Variants in CDYL2 observed in about 807,000 individuals in gnomAD.
The protein encoded by CDYL2 is chromodomain Y like 2, also known as chromodomain Y-like protein 2.
CDYL2 carries 23 observed loss-of-function variants against 49.4 expected under a neutral mutation model. That is an observed-to-expected ratio of 0.47 (90% CI 0.34 to 0.66). The LOEUF (loss-of-function observed/expected upper bound fraction) is 0.66. CDYL2 is among the 30% of genes least tolerant of loss of function. The pLI is 0.01. For missense variants in CDYL2, 678 were observed against 656.4 expected (o/e 1.03, Z -0.36); for synonymous variants, 360 against 268.8 (o/e 1.34, Z -3.32).
rs115756462 is a variant in CDYL2, at chr16:80,611,835, G to T, written c.1218+791C>A. ...CCAGCTGTCATCAGTGCTCTCCCCT[G>T]TCCAGACTTGCTTCTGGATGTTGGT... On this transcript the variant is annotated intron_variant, in intron 5 of 6. Transcript: ENST00000570137. Among the ~76,000 whole-genome samples the T allele has an allele frequency of 3.0e-3, 452 of 152,326 alleles. 6 individuals carry two copies. Among genetic ancestry groups the T allele is most frequent in the African/African-American group, 0.01 (436 of 41,580 alleles).
At chr16:80,614,147 G>C (rs1288376043) in intron 4 of CDYL2, among the ~76,000 whole-genome samples, 1 of 152,226 alleles carries the variant, frequency 6.6e-6, no homozygotes, top group African/African-American at 2.4e-5. Context: ...AAATACATGA[G>C]TCTCCCAGAA....
rs80083066 is a variant in CDYL2, at chr16:80,600,523, A to G, written c.*3865T>C. The G allele has an allele frequency of 2.5e-3, 388 of 152,324 alleles. 1 individual carries two copies. The highest frequency in any genetic ancestry group is 8.7e-3 in the African/African-American group (363 of 41,576). 9.4% of individuals were successfully genotyped at this position (152,324 alleles called of 1,614,324 possible). A position where few individuals can be genotyped will look rare whatever the true frequency, so the allele number is the denominator to read the frequency against. On this transcript the variant is annotated 3_prime_UTR_variant, in exon 7 of 7. Coordinates refer to ENST00000570137, the MANE Select transcript of CDYL2 (RefSeq NM_152342.4). ...AAGTGTAGATGTTTAAAGATTATAC[A>G]AAACCATTTACAGAGAATAAAATAA...
chr16:80,672,352 C>CACAGAG (rs68130206), intron 2 of CDYL2, among the ~76,000 whole-genome samples: 5 of 117,844 alleles, frequency 4.2e-5, no homozygotes, highest in East Asian at 6.0e-4. Context: ...CACACACACA[C>CACAGAG]AGAGAGAGAG....
At chr16:80,772,287 AAAAATG>A (rs1323039116) in intron 1 of CDYL2, among the ~76,000 whole-genome samples, 1 of 152,234 alleles carries the variant, frequency 6.6e-6, no homozygotes, top group African/African-American at 2.4e-5. Flanking sequence ...GTAAAGACAC[AAAAATG>A]AAAAACTGGA....
intron 3 of CDYL2, among the ~76,000 whole-genome samples, chr16:80,624,632 G>C (rs1443896437): frequency 2.0e-5 from 3 of 152,154 alleles, no homozygotes; most frequent in Non-Finnish European, 4.4e-5. Context: ...CAAATGAGCG[G>C]ATTACATAAC....
intron 1 of CDYL2, among the ~76,000 whole-genome samples, chr16:80,749,426 T>A (rs933366154): frequency 6.6e-6 from 1 of 152,194 alleles, no homozygotes; most frequent in African/African-American, 2.4e-5. Flanking sequence ...TAACAAGTCC[T>A]AGTCCACTAG....
chr16:80,691,528 G>T (rs960687091), intron 1 of CDYL2, among the ~76,000 whole-genome samples: 1 of 152,226 alleles, frequency 6.6e-6, no homozygotes, highest in African/African-American at 2.4e-5. Flanking sequence ...AGTGGTGAGA[G>T]AGACCAACAG....
intron 2 of CDYL2, among the ~76,000 whole-genome samples, chr16:80,656,223 C>G (rs1908805192): frequency 6.6e-6 from 1 of 152,252 alleles, no homozygotes. Context: ...CCAATGTCAG[C>G]TGGAGGACAC....
intron 3 of CDYL2, among the ~76,000 whole-genome samples, chr16:80,621,148 C>T (rs574570934): frequency 8.5e-5 from 13 of 152,324 alleles, no homozygotes; most frequent in East Asian, 1.9e-4. Flanking sequence ...GCACCATCCC[C>T]GGAGAAGGCA....
intron 1 of CDYL2, among the ~76,000 whole-genome samples, chr16:80,773,180 A>T (rs1355265241): frequency 6.6e-6 from 1 of 152,192 alleles, no homozygotes; most frequent in African/African-American, 2.4e-5. Flanking sequence ...ATTTTTTAAA[A>T]CAAAAAGTTT....
intron 1 of CDYL2, among the ~76,000 whole-genome samples, chr16:80,749,645 G>A (rs772953839): frequency 3.0e-4 from 46 of 151,942 alleles, no homozygotes; most frequent in South Asian, 1.0e-3. Flanking sequence ...ACAAAATAAG[G>A]ACAACAACTC....
intron 1 of CDYL2, among the ~76,000 whole-genome samples, chr16:80,797,585 C>T (rs1257888483): frequency 6.6e-6 from 1 of 152,062 alleles, no homozygotes; most frequent in Non-Finnish European, 1.5e-5. Flanking sequence ...ATACCTGGTA[C>T]TCTCAGAATG....
chr16:80,634,004 C>T (rs374425267), intron 2 of CDYL2, among the ~76,000 whole-genome samples: 1 of 152,078 alleles, frequency 6.6e-6, no homozygotes, highest in African/African-American at 2.4e-5. Flanking sequence ...GCCAACACCC[C>T]CAAACCTCCA....
rs749411486 is a variant in CDYL2, at chr16:80,612,876, G to A, written c.1008-40C>T. On this transcript the variant is annotated intron_variant, in intron 4 of 6. Transcript: ENST00000570137. The surrounding 1 kb of genome is among the most constrained non-coding windows in gnomAD (Gnocchi z 5.0). Reference sequence around the variant, plus strand: ...AGATCCTCTTGAACAGGTGACTATAGCATGCTAAGCCCCACTGGAACCCTT... The same window carrying A: ...AGATCCTCTTGAACAGGTGACTATAACATGCTAAGCCCCACTGGAACCCTT... The A allele has an allele frequency of 5.2e-6, 8 of 1,538,294 alleles. No individual in the cohort carries two copies. The African/African-American group carries it at 9.6e-5, about 18-fold the overall frequency.
rs113250053 is a variant in CDYL2 at position 80,736,097 on chromosome 16, G to A, written c.25-50968C>T. On this transcript the variant is annotated intron_variant, in intron 1 of 6. Transcript: ENST00000570137. Reference sequence around the variant, plus strand: ...TGACCTTGAGACTGTGGAACTCCCAGCTGTCACAGCTGGCCACAGGCCCAA... The same window carrying A: ...TGACCTTGAGACTGTGGAACTCCCAACTGTCACAGCTGGCCACAGGCCCAA... Among the ~76,000 whole-genome samples, 14 of 152,328 alleles carry A rather than the reference G, an allele frequency of 9.2e-5. 1 individual carries two copies. The highest frequency in any genetic ancestry group is 3.1e-4 in the African/African-American group (13 of 41,566).
chr16:80,684,642 C>G lies in CDYL2; in HGVS notation c.512G>C (p.Gly171Ala). The G allele has an allele frequency of 6.2e-7, 1 of 1,614,214 alleles. No individual in the cohort carries two copies. The highest frequency in any genetic ancestry group is 8.5e-7 in the Non-Finnish European group (1 of 1,180,034). Residue 171 changes from glycine to alanine, a missense_variant, in exon 2 of 7, where the codon GGA (glycine) becomes GCA (alanine). By Grantham distance (60) the Gly-to-Ala change is moderately conservative (BLOSUM62 0). Transcript: ENST00000570137. ...AGSEKDERHF[G>A]NGSHQPGLDL... ...CAAGCCAGGCTGATGGGACCCATTT[C>G]CAAAGTGCCTCTCATCCTTCTCAGA... is the stretch of plus-strand genomic sequence containing the variant.
rs1183855384 is a variant in CDYL2 at position 80,750,027 on chromosome 16, T to C, written c.24+54123A>G. 7.2e-5 allele frequency among the ~76,000 whole-genome samples: 11 copies of C among 151,756 alleles called. No individual in the cohort carries two copies. In the East Asian group the frequency reaches 7.8e-4, roughly 11 times the overall value. On this transcript the variant is annotated intron_variant, in intron 1 of 6. Transcript: ENST00000570137. ...ACATGTTCTCACTCAGAGGTGGGAA[T>C]TGAACAAAGAGAACACTTGGACAGA...
chr16:80,680,578 T>C (rs764489545), intron 2 of CDYL2, among the ~76,000 whole-genome samples: 3 of 152,192 alleles, frequency 2.0e-5, no homozygotes, highest in Non-Finnish European at 2.9e-5. Context: ...CCACCAGCTT[T>C]TCTGTACCGA....
chr16:80,742,775 T>G (rs185839441), intron 1 of CDYL2, among the ~76,000 whole-genome samples: 1 of 142,934 alleles, frequency 7.0e-6, no homozygotes, highest in Non-Finnish European at 1.5e-5. Flanking sequence ...GATTGATGGA[T>G]AGATGGGCAG....
Sources: allele counts gnomAD v4.1 joint callset (sites outside exome capture counted in the v4.1 genomes callset), GRCh38; gene constraint gnomAD v4.1.1; non-coding constraint Gnocchi (gnomAD v3.1); transcripts MANE v1.5; gene names NCBI Gene and HGNC (gene_info 2026-07-23, HGNC 2026-07-21).